CUL3: variants seen among roughly 807,000 people sequenced by gnomAD.
CUL3 encodes cullin 3.
A neutral mutation model predicts 89.1 loss-of-function variants in CUL3; 19 were observed. The observed-to-expected ratio is 0.21, with a 90% CI of 0.15 to 0.31. The LOEUF (loss-of-function observed/expected upper bound fraction) is 0.31. Among genes scored for constraint, CUL3 ranks in the 10% least tolerant of loss-of-function variants. CUL3 has a pLI of 1.00. For synonymous variants in CUL3, 351 were observed against 308.4 expected, an observed-to-expected ratio of 1.14 and a Z score of -1.45; for missense variants, 469 against 942.3, an observed-to-expected ratio of 0.50 and a Z score of 6.58.
chr2:224,533,135 A>AC (rs933807937), intron 3 of CUL3: 1 of 152,230 alleles, frequency 6.6e-6, no homozygotes, highest in Non-Finnish European at 1.5e-5. Context: ...TGAAGGGTTG[A>AC]CCACAGGTCT....
intron 1 of CUL3, among the ~76,000 whole-genome samples, chr2:224,561,154 G>A (rs989034962): frequency 6.6e-6 from 1 of 152,122 alleles, no homozygotes; most frequent in African/African-American, 2.4e-5. Flanking sequence ...ACAACCAAAT[G>A]TCAGCTTCAT....
chr2:224,546,891 C>T (rs1490521547), intron 2 of CUL3, among the ~76,000 whole-genome samples: 1 of 152,150 alleles, frequency 6.6e-6, no homozygotes, highest in Non-Finnish European at 1.5e-5. Context: ...TTTCCACACA[C>T]TATCCCCGAC....
chr2:224,488,148 A>G (rs925019079), intron 13 of CUL3, among the ~76,000 whole-genome samples: 1 of 152,208 alleles, frequency 6.6e-6, no homozygotes, highest in Non-Finnish European at 1.5e-5. Flanking sequence ...GAAAGCAGGA[A>G]AGATCTAAAA....
chr2:224,482,416 C>T (rs1442507508), intron 13 of CUL3, among the ~76,000 whole-genome samples: 1 of 151,992 alleles, frequency 6.6e-6, no homozygotes, highest in Non-Finnish European at 1.5e-5. Flanking sequence ...CATATAATTG[C>T]TAATTTTATA....
At chr2:224,584,322 C>T (rs960725297) in intron 1 of CUL3, among the ~76,000 whole-genome samples, 15 of 152,110 alleles carry the variant, frequency 9.9e-5, no homozygotes, top group Non-Finnish European at 1.3e-4. Flanking sequence ...GGCAATCCTG[C>T]ACAAGAGTTT....
In CUL3 at chr2:224,558,767, G is replaced by GC. The variant is rs1237854673; in HGVS notation, c.67-912dup. On this transcript the variant is annotated intron_variant, in intron 1 of 15. Coordinates refer to ENST00000264414, the MANE Select transcript of CUL3 (RefSeq NM_003590.5). ...TATTGAAAAGGCCTCCCTTGGCTGG[G>GC]CGCAGTGGCTCACGTCTGGAATCCC... Among the ~76,000 whole-genome samples, 3 of 152,326 alleles carry GC rather than the reference G, an allele frequency of 2.0e-5. No homozygotes were observed. The East Asian group carries it at 5.8e-4, about 29-fold the overall frequency.
intron 15 of CUL3, among the ~76,000 whole-genome samples, chr2:224,476,829 TG>T (rs1004755663): frequency 6.6e-6 from 1 of 152,122 alleles, no homozygotes; most frequent in South Asian, 2.1e-4. Flanking sequence ...CCTCCCATTT[TG>T]GGGGGGAAAA....
rs1695561957 is a variant in CUL3 at position 224,585,347 on chromosome 2, G to A, written c.-338C>T. 2 of 401,338 alleles carry A rather than the reference G, an allele frequency of 5.0e-6. No homozygotes were observed. The highest frequency in any genetic ancestry group is 8.7e-6 in the Non-Finnish European group (2 of 228,600). The allele number at this position is 401,338 out of a possible 1,614,324, so 24.9% of individuals were successfully genotyped here. A position where few individuals can be genotyped will look rare whatever the true frequency, so the allele number is the denominator to read the frequency against. ...CGACGGACAAACATCTCACTGCGCA[G>A]GCCGAACGTCGTCCTCCTCCTCCTC... On this transcript the variant is annotated 5_prime_UTR_variant, in exon 1 of 16. Coordinates refer to ENST00000264414, the MANE Select transcript of CUL3 (RefSeq NM_003590.5).
At chr2:224,474,513 T>A in intron 15 of CUL3, 137 bp from the exon 16 acceptor site, 1 of 684,270 alleles carries the variant, frequency 1.5e-6, no homozygotes, top group Non-Finnish European at 2.4e-6. Flanking sequence ...ACAGAAACTT[T>A]AAAAAGGTTC....
At chr2:224,502,929 A>G (rs1692447736) in intron 10 of CUL3, 36 bp downstream of exon 10, 1 of 1,442,800 alleles carries the variant, frequency 6.9e-7, no homozygotes, top group Non-Finnish European at 9.7e-7. Context: ...AAGACTTTAC[A>G]TGAATATCTA....
At chr2:224,491,768 A>C (rs183987503) in intron 13 of CUL3, among the ~76,000 whole-genome samples, 276 of 152,326 alleles carry the variant, frequency 1.8e-3, no homozygotes, top group African/African-American at 6.3e-3. Context: ...CACTTTTATA[A>C]GGAATGAGGA....
At position 224,495,822 on chromosome 2, in the gene CUL3, C is replaced by A. The variant is rs201714773; in HGVS notation, c.1842+10G>T. Reference sequence around the variant, plus strand: ...AACACAGTTAAAATGTATATAACCACAATCCATACCTCAAATGTGTATTTT... The same window carrying A: ...AACACAGTTAAAATGTATATAACCAAAATCCATACCTCAAATGTGTATTTT... On this transcript the variant is annotated intron_variant, in intron 13 of 15. Transcript: ENST00000264414. The A allele has an allele frequency of 1.2e-6, 2 of 1,600,990 alleles. No homozygotes were observed. Among genetic ancestry groups the A allele is most frequent in the Non-Finnish European group, 1.7e-6 (2 of 1,171,552 alleles).
At chr2:224,527,736 T>C (rs141657755) in intron 3 of CUL3, among the ~76,000 whole-genome samples, 1 of 152,336 alleles carries the variant, frequency 6.6e-6, no homozygotes, top group East Asian at 1.9e-4. Context: ...CCGTTTCTCA[T>C]TCTCACTAGA....
At chr2:224,535,164 G>T (rs893604203) in intron 3 of CUL3, among the ~76,000 whole-genome samples, 3 of 152,090 alleles carry the variant, frequency 2.0e-5, no homozygotes, top group African/African-American at 7.2e-5. Flanking sequence ...AACTAAGTTA[G>T]ACAGAAAGTC....
In CUL3 at chr2:224,524,565, C is replaced by T. The variant is rs80107170; in HGVS notation, c.379-9793G>A. ...CAGTTCAGACCCCAGAGGAACTATG[C>T]TCTGTGAATAGGTATGTCCTGGAAA... On this transcript the variant is annotated intron_variant, in intron 3 of 15. Coordinates refer to ENST00000264414, the MANE Select transcript of CUL3 (RefSeq NM_003590.5). Among the ~76,000 whole-genome samples the T allele has an allele frequency of 4.9e-4, 74 of 152,244 alleles. No homozygotes were observed. The East Asian group carries it at 0.014, about 28-fold the overall frequency.
chr2:224,540,147 C>T (rs1450201032), intron 2 of CUL3, among the ~76,000 whole-genome samples: 1 of 151,640 alleles, frequency 6.6e-6, no homozygotes, highest in Non-Finnish European at 1.5e-5. Flanking sequence ...ACCTCTGTCT[C>T]CCAGGTTTAA....
intron 6 of CUL3, among the ~76,000 whole-genome samples, chr2:224,507,224 G>A (rs1227519067): frequency 6.6e-6 from 1 of 152,138 alleles, no homozygotes; most frequent in Non-Finnish European, 1.5e-5. Flanking sequence ...TAGATGAGAT[G>A]CTTTGAAACC....
At chr2:224,493,952 A>T (rs1692075525) in intron 13 of CUL3, among the ~76,000 whole-genome samples, 1 of 152,170 alleles carries the variant, frequency 6.6e-6, no homozygotes, top group South Asian at 2.1e-4. Flanking sequence ...AATCAAGGTA[A>T]TAATAAAATA....
intron 1 of CUL3, among the ~76,000 whole-genome samples, chr2:224,573,610 T>C (rs972747190): frequency 4.9e-4 from 74 of 152,178 alleles, no homozygotes; most frequent in African/African-American, 1.4e-3. Context: ...GAGTAGTGCA[T>C]TGTATAAGCT....
Sources: allele counts gnomAD v4.1 joint callset (sites outside exome capture counted in the v4.1 genomes callset), GRCh38; gene constraint gnomAD v4.1.1; transcripts MANE v1.5; gene names NCBI Gene and HGNC (gene_info 2026-07-23, HGNC 2026-07-21).